The following FIRRM variants were observed in gnomAD, a reference collection of about 807,000 sequenced individuals.
FIRRM encodes the protein FIGNL1 interacting regulator of recombination and mitosis.
At chr1:169,848,163 T>C in the FIRRM span, among the ~76,000 whole-genome samples, 1 of 152,176 alleles carries the variant, frequency 6.6e-6, no homozygotes, top group Non-Finnish European at 1.5e-5. Flanking sequence ...TCGTTTTTTA[T>C]CCATGAAAGA....
the FIRRM span, among the ~76,000 whole-genome samples, chr1:169,796,619 C>G: frequency 3.3e-5 from 5 of 152,226 alleles, no homozygotes; most frequent in Non-Finnish European, 5.9e-5. Flanking sequence ...CTTATCACCT[C>G]TCACTTGGAG....
the FIRRM span, chr1:169,829,231 T>C: frequency 2.7e-6 from 4 of 1,478,430 alleles, no homozygotes; most frequent in South Asian, 1.5e-5. Context: ...ATGTTATTAA[T>C]GTTGGGTTCA....
At chr1:169,843,410 T>G in the FIRRM span, among the ~76,000 whole-genome samples, 3 of 152,222 alleles carry the variant, frequency 2.0e-5, no homozygotes, top group African/African-American at 7.2e-5. Flanking sequence ...AGACTTAAAT[T>G]TGGATTTCAG....
At chr1:169,830,448 T>C in the FIRRM span, 3 of 1,065,382 alleles carry the variant, frequency 2.8e-6, no homozygotes, top group Admixed American at 4.6e-5. Flanking sequence ...AATAATCCTT[T>C]AAAAATAATT....
the FIRRM span, among the ~76,000 whole-genome samples, chr1:169,815,803 T>C: frequency 3.3e-5 from 5 of 152,190 alleles, no homozygotes; most frequent in Non-Finnish European, 7.3e-5. Flanking sequence ...AGTCCTCTGG[T>C]TAAAACACCT....
At chr1:169,837,028 T>C in the FIRRM span, 1 of 1,613,990 alleles carries the variant, frequency 6.2e-7, no homozygotes, top group Admixed American at 1.7e-5. Context: ...GGGAACAAAC[T>C]GTCCATGAGG....
chr1:169,811,896 T>G, the FIRRM span, among the ~76,000 whole-genome samples: 1 of 148,032 alleles, frequency 6.8e-6, no homozygotes, highest in African/African-American at 2.5e-5. Context: ...TAGATAGAGC[T>G]TGGACAACAG....
chr1:169,814,925 CT>C, the FIRRM span, among the ~76,000 whole-genome samples: 1 of 151,622 alleles, frequency 6.6e-6, no homozygotes, highest in Admixed American at 6.6e-5. Flanking sequence ...ATGATGCACA[CT>C]TGGTACATTT....
chr1:169,788,184 T>C, the FIRRM span, among the ~76,000 whole-genome samples: 3 of 152,194 alleles, frequency 2.0e-5, no homozygotes, highest in Non-Finnish European at 4.4e-5. Context: ...TATATACAAC[T>C]GACCCTTGAA....
chr1:169,838,017 A>C, the FIRRM span, among the ~76,000 whole-genome samples: 1 of 152,058 alleles, frequency 6.6e-6, no homozygotes. Flanking sequence ...GGCTCACTGC[A>C]ACCTCCACCT....
chr1:169,850,284 T>G, the FIRRM span: 86 of 1,611,186 alleles, frequency 5.3e-5, no homozygotes, highest in Non-Finnish European at 6.8e-5. Context: ...CATGAAGAGA[T>G]AGTTCCACAG....
chr1:169,806,561 G>C, the FIRRM span, among the ~76,000 whole-genome samples: 3 of 152,298 alleles, frequency 2.0e-5, no homozygotes, highest in African/African-American at 7.2e-5. Flanking sequence ...AGTGCCTGTA[G>C]CATTCATCAG....
the FIRRM span, among the ~76,000 whole-genome samples, chr1:169,787,656 A>G: frequency 6.6e-6 from 1 of 152,212 alleles, no homozygotes; most frequent in Admixed American, 6.5e-5. Context: ...GGTAATGAAT[A>G]AAGTCTGCCT....
At chr1:169,843,638 G>T in the FIRRM span, 1 of 1,311,684 alleles carries the variant, frequency 7.6e-7, no homozygotes, top group African/African-American at 1.5e-5. Flanking sequence ...TTATGTGATT[G>T]AAAATTTTTC....
the FIRRM span, among the ~76,000 whole-genome samples, chr1:169,815,295 CAAA>C: frequency 5.4e-5 from 6 of 110,496 alleles, no homozygotes; most frequent in African/African-American, 3.5e-5. Context: ...GACTCTGTCT[CAAA>C]AAAAAAAAAA....
chr1:169,829,573 G>A, the FIRRM span: 1 of 876,304 alleles, frequency 1.1e-6, no homozygotes, highest in African/African-American at 1.7e-5. Context: ...GTGAAACTTA[G>A]TTGTGTCCTA....
At chr1:169,798,564 G>A in the FIRRM span, among the ~76,000 whole-genome samples, 119 of 151,916 alleles carry the variant, frequency 7.8e-4, no homozygotes, top group Non-Finnish European at 1.4e-3. Context: ...ACCCCACTTG[G>A]CCCCGAGCGA....
At chr1:169,850,603 C>T in the FIRRM span, 1 of 283,698 alleles carries the variant, frequency 3.5e-6, no homozygotes, top group Non-Finnish European at 6.7e-6. Flanking sequence ...CAAGACCAGC[C>T]TGGCCAACAT....
At chr1:169,823,376 T>A in the FIRRM span, 7 of 1,421,622 alleles carry the variant, frequency 4.9e-6, no homozygotes, top group Non-Finnish European at 5.9e-6. Flanking sequence ...CATATTTTTA[T>A]GCAAAGAATG....
Sources: gnomAD v4.1 joint callset for allele counts (sites outside exome capture counted in the v4.1 genomes callset) on GRCh38, gnomAD v4.1.1 for gene constraint, MANE v1.5 for transcripts, NCBI Gene and HGNC (gene_info 2026-07-23, HGNC 2026-07-21) for gene names.